The following POLK variants were observed in gnomAD, a reference collection of about 807,000 sequenced individuals.
POLK encodes DNA polymerase kappa.
In POLK, 76 loss-of-function variants were observed where a neutral mutation model predicts 94.0. The ratio of observed to expected loss-of-function variants is 0.81; its 90% CI spans 0.67 to 0.98. The LOEUF is 0.98. Among genes scored for constraint, POLK ranks in the 50% least tolerant of loss-of-function variants. The pLI is 0.00. For synonymous variants in POLK, 349 were observed against 325.4 expected (o/e 1.07, Z -0.78); for missense variants, 954 against 1,010.1 (o/e 0.94, Z 0.75).
At chr5:75,603,938 G>T (rs1422940044), downstream of POLK, among the ~76,000 whole-genome samples, 1 of 152,132 alleles carries the variant, frequency 6.6e-6, no homozygotes, top group Admixed American at 6.5e-5. Flanking sequence ...CCCGATGTTG[G>T]TTTCTCCCTA....
chr5:75,589,614 T>G (rs535496296), intron 10 of POLK, among the ~76,000 whole-genome samples: 1 of 152,042 alleles, frequency 6.6e-6, no homozygotes, highest in East Asian at 1.9e-4. Context: ...ACGTGGAATA[T>G]TTCTAAGGAA....
At chr5:75,541,074 A>G (rs1769713010) in intron 1 of POLK, among the ~76,000 whole-genome samples, 1 of 152,136 alleles carries the variant, frequency 6.6e-6, no homozygotes, top group Non-Finnish European at 1.5e-5. Flanking sequence ...ACCTGAGGTC[A>G]GGAGTTTGAG....
intron 2 of POLK, among the ~76,000 whole-genome samples, chr5:75,552,060 C>T (rs1473417738): frequency 6.6e-6 from 1 of 152,066 alleles, no homozygotes; most frequent in African/African-American, 2.4e-5. Context: ...TCTTTAATGA[C>T]TTAACATTAA....
At chr5:75,527,502 TACACACACAC>T (rs58797043) in intron 1 of POLK, among the ~76,000 whole-genome samples, 1,646 of 133,030 alleles carry the variant, frequency 0.012, 30 homozygotes, top group African/African-American at 0.036. Flanking sequence ...AATTTATATA[TACACACACAC>T]ACACACACAC....
chr5:75,599,279 A>G (rs1478245906), exon 15 of POLK: 1 of 152,124 alleles, frequency 6.6e-6, no homozygotes, highest in Non-Finnish European at 1.5e-5. Flanking sequence ...TTTAATTGCA[A>G]CATGAAGTTG....
chr5:75,516,793 G>T (rs1768343259), intron 1 of POLK, among the ~76,000 whole-genome samples: 2 of 152,118 alleles, frequency 1.3e-5, no homozygotes, highest in African/African-American at 4.8e-5. Flanking sequence ...ATTTTGATTT[G>T]ATTTTTGTAT....
Position 75,511,881 on chromosome 5 carries a change from C to T in POLK, c.-47C>T. On this transcript the variant is annotated 5_prime_UTR_variant, in exon 1 of 15. Transcript: ENST00000241436. ...CGTTGGTCCGTCGCTCGCGCAGCCT[C>T]CTGGGAGTTGTAGTCGCGATCCTGA... 1 of 1,494,944 alleles carries T rather than the reference C, an allele frequency of 6.7e-7. No individual in the cohort carries two copies. The highest frequency in any genetic ancestry group is 1.2e-5 in the South Asian group (1 of 80,220). The allele number at this position is 1,494,944 out of a possible 1,614,324, so 92.6% of individuals were successfully genotyped here. A position where few individuals can be genotyped will look rare whatever the true frequency, so the allele number is the denominator to read the frequency against.
intron 9 of POLK, among the ~76,000 whole-genome samples, chr5:75,586,341 TAA>T (rs1772470736): frequency 6.6e-6 from 1 of 152,214 alleles, no homozygotes; most frequent in Non-Finnish European, 1.5e-5. Context: ...CTCCAATATA[TAA>T]GTTTTCTGAG....
chr5:75,597,796 C>A lies in POLK; in HGVS notation c.2528+7C>A, dbSNP rs750408652. 5 of 1,485,404 alleles carry A rather than the reference C, an allele frequency of 3.4e-6. No individual in the cohort carries two copies. The East Asian group carries it at 9.8e-5, about 29-fold the overall frequency. 92.0% of individuals were successfully genotyped at this position (1,485,404 alleles called of 1,614,324 possible). A position where few individuals can be genotyped will look rare whatever the true frequency, so the allele number is the denominator to read the frequency against. ...CTGTAACAAGAACAAAAAGGTATGG[C>A]TAATTTGAGCTTTAATAAAGCTGGC... On this transcript the variant is annotated splice_region_variant and intron_variant, in intron 14 of 14. Transcript: ENST00000241436.
At chr5:75,546,791 T>G (rs958529928) in intron 1 of POLK, among the ~76,000 whole-genome samples, 2 of 151,840 alleles carry the variant, frequency 1.3e-5, no homozygotes, top group African/African-American at 4.8e-5. Flanking sequence ...TCAGCCTCCC[T>G]AGTAGCTGGG....
chr5:75,563,523 T>C (rs1311272260), intron 3 of POLK, among the ~76,000 whole-genome samples: 3 of 152,238 alleles, frequency 2.0e-5, no homozygotes, highest in Non-Finnish European at 1.5e-5. Flanking sequence ...TGCTTTCTCC[T>C]ATGGGCATTT....
rs767750052 is a variant in POLK at position 75,590,456 on chromosome 5, AT to A, written c.1356+17del. The A allele has an allele frequency of 1.4e-6, 2 of 1,459,590 alleles. No homozygotes were observed. The highest frequency in any genetic ancestry group is 1.4e-5 in the African/African-American group (1 of 71,922). 90.4% of individuals were successfully genotyped at this position (1,459,590 alleles called of 1,614,324 possible). A position where few individuals can be genotyped will look rare whatever the true frequency, so the allele number is the denominator to read the frequency against. ...AAGACTTAAGGTGCTTTATTTTGAT[AT>A]GGTGTCCTTAGTTTTTAAGTTTTTT... is the stretch of plus-strand genomic sequence containing the variant. On this transcript the variant is annotated intron_variant, in intron 11 of 14. Coordinates refer to ENST00000241436, the Ensembl canonical transcript of POLK.
intron 1 of POLK, among the ~76,000 whole-genome samples, chr5:75,542,584 T>C (rs1282915643): frequency 1.3e-5 from 2 of 151,408 alleles, no homozygotes; most frequent in Non-Finnish European, 2.9e-5. Context: ...TGTGGGTATA[T>C]ATATGTGTGT....
chr5:75,579,229 G>A (rs959527540), intron 6 of POLK, among the ~76,000 whole-genome samples: 2 of 152,028 alleles, frequency 1.3e-5, no homozygotes, highest in African/African-American at 4.8e-5. Context: ...CTGCAGAACG[G>A]GTTTATGAAT....
chr5:75,604,778 G>A (rs1222215272), downstream of POLK, among the ~76,000 whole-genome samples: 1 of 152,164 alleles, frequency 6.6e-6, no homozygotes, highest in African/African-American at 2.4e-5. Context: ...CTCACAGAGA[G>A]GTGATGCTTA....
intron 1 of POLK, among the ~76,000 whole-genome samples, chr5:75,533,078 C>T (rs1289333572): frequency 6.6e-6 from 1 of 152,138 alleles, no homozygotes; most frequent in Non-Finnish European, 1.5e-5. Context: ...TGCAGAACCT[C>T]TTTAGTTTAA....
chr5:75,536,601 G>T (rs1769456302), intron 1 of POLK, among the ~76,000 whole-genome samples: 1 of 151,946 alleles, frequency 6.6e-6, no homozygotes, highest in Non-Finnish European at 1.5e-5. Context: ...CAGTGGTGGG[G>T]GTGGGTGGAG....
At position 75,586,292 on chromosome 5, in the gene POLK, T is replaced by C. The variant is rs78873416; in HGVS notation, c.1227-734T>C. 2.1e-3 allele frequency among the ~76,000 whole-genome samples: 317 copies of C among 152,308 alleles called. 1 individual carries two copies. In the East Asian group the frequency reaches 0.027, roughly 13 times the overall value. ...AATCTGAGTACTTCTCCCATTCTAA[T>C]CCATTCCATATTTACTACTATATTT... On this transcript the variant is annotated intron_variant, in intron 9 of 14. Transcript: ENST00000241436.
At chr5:75,590,685 G>A (rs1443941481) in intron 11 of POLK, among the ~76,000 whole-genome samples, 7 of 152,096 alleles carry the variant, frequency 4.6e-5, no homozygotes, top group Non-Finnish European at 8.8e-5. Context: ...ATAATTCAGA[G>A]GACTTTACTT....
Sources: gnomAD v4.1 joint callset for allele counts (sites outside exome capture counted in the v4.1 genomes callset) on GRCh38, gnomAD v4.1.1 for gene constraint, MANE v1.5 for transcripts, NCBI Gene and HGNC (gene_info 2026-07-23, HGNC 2026-07-21) for gene names.